The following CERKL variants were observed in gnomAD, a reference collection of about 807,000 sequenced individuals.
CERKL encodes ceramide kinase-like protein.
Under a neutral mutation model 63.4 loss-of-function variants are expected in CERKL, and 61 were observed. The ratio of observed to expected loss-of-function variants is 0.96; its 90% confidence interval spans 0.78 to 1.19. The LOEUF (loss-of-function observed/expected upper bound fraction) is 1.19, where lower values mean the gene tolerates loss of function less well. Ranked by LOEUF, CERKL falls within the 50% of genes most tolerant of loss-of-function variation. CERKL has a pLI of 0.00. For synonymous variants in CERKL, 250 were observed against 230.5 expected (o/e 1.08, Z -0.77); for missense variants, 675 against 655.5 (o/e 1.03, Z -0.33).
intron 1 of CERKL, among the ~76,000 whole-genome samples, chr2:181,623,075 T>G (rs1686524819): frequency 6.6e-6 from 1 of 152,238 alleles, no homozygotes; most frequent in Non-Finnish European, 1.5e-5. Flanking sequence ...AAATTTCAGG[T>G]GATCCTCACA....
intron 3 of CERKL, among the ~76,000 whole-genome samples, chr2:181,572,639 G>A (rs1688955595): frequency 7.8e-6 from 1 of 127,534 alleles, no homozygotes. Flanking sequence ...ATAAGCCGAA[G>A]GTCACAAACA....
chr2:181,547,093 T>C (rs1687759745), intron 10 of CERKL, among the ~76,000 whole-genome samples: 1 of 152,180 alleles, frequency 6.6e-6, no homozygotes, highest in South Asian at 2.1e-4. Flanking sequence ...GATGTGACTT[T>C]CATCTTCCAC....
intron 11 of CERKL, among the ~76,000 whole-genome samples, chr2:181,543,673 A>C (rs1687604101): frequency 1.3e-5 from 2 of 152,106 alleles, no homozygotes; most frequent in African/African-American, 4.8e-5. Context: ...ACTCTATCCA[A>C]GCACCATTTT....
At chr2:181,568,687 ATTTT>A (rs1341900398) in intron 3 of CERKL, among the ~76,000 whole-genome samples, 7 of 141,454 alleles carry the variant, frequency 4.9e-5, no homozygotes, top group African/African-American at 1.0e-4. Context: ...TTTTTTTTTA[ATTTT>A]TTTTTATTAT....
chr2:181,572,780 C>CTTTTTTTTTTT (rs5836800), intron 3 of CERKL, among the ~76,000 whole-genome samples: 13 of 131,152 alleles, frequency 9.9e-5, no homozygotes, highest in African/African-American at 1.4e-4. Flanking sequence ...ACAAAACTTG[C>CTTTTTTTTTTT]TTTTTTTTTT....
At chr2:181,643,369 G>A (rs1489301449) in intron 1 of CERKL, among the ~76,000 whole-genome samples, 5 of 152,240 alleles carry the variant, frequency 3.3e-5, no homozygotes, top group South Asian at 2.1e-4. Flanking sequence ...GGCCTTCAGC[G>A]GCCACTGCTG....
intron 1 of CERKL, among the ~76,000 whole-genome samples, chr2:181,606,839 A>G (rs1244375163): frequency 2.6e-5 from 4 of 152,106 alleles, no homozygotes; most frequent in Admixed American, 1.3e-4. Context: ...GAGTAAAAGT[A>G]TTTTAGTGAA....
chr2:181,589,972 C>A (rs1027990180), intron 2 of CERKL, among the ~76,000 whole-genome samples: 12 of 147,868 alleles, frequency 8.1e-5, no homozygotes, highest in Non-Finnish European at 1.6e-4. Flanking sequence ...GCTACCACAC[C>A]CAGCTAATTT....
chr2:181,567,472 A>C (rs777935022), intron 3 of CERKL, among the ~76,000 whole-genome samples: 3 of 151,980 alleles, frequency 2.0e-5, no homozygotes, highest in Non-Finnish European at 4.4e-5. Context: ...TGCTATTTTT[A>C]TTTTTTTAAT....
chr2:181,612,141 C>A (rs1022711327), intron 1 of CERKL, among the ~76,000 whole-genome samples: 1 of 152,200 alleles, frequency 6.6e-6, no homozygotes, highest in African/African-American at 2.4e-5. Context: ...GGTCACACAT[C>A]TGGTAGGAAC....
At position 181,537,217 on chromosome 2, in the gene CERKL, T is replaced by G. The variant is rs1450786689; in HGVS notation, c.*967A>C. The G allele has an allele frequency of 2.2e-6, 1 of 453,026 alleles. No homozygotes were observed. Among genetic ancestry groups the G allele is most frequent in the Admixed American group, 2.4e-5 (1 of 42,524 alleles). The allele number at this position is 453,026 out of a possible 1,614,324, so 28.1% of individuals were successfully genotyped here. A position where few individuals can be genotyped will look rare whatever the true frequency, so the allele number is the denominator to read the frequency against. On this transcript the variant is annotated 3_prime_UTR_variant, in exon 13 of 13. Transcript: ENST00000410087. Reference sequence around the variant, plus strand: ...AAAATCAAGCCCCGATTTAGAACTGTCTTCTCCAGGATGGTCTCTAAGGAA... The same window carrying G: ...AAAATCAAGCCCCGATTTAGAACTGGCTTCTCCAGGATGGTCTCTAAGGAA...
rs201186440 is a variant in CERKL at position 181,656,814 on chromosome 2, C to T, written c.193G>A (p.Glu65Lys). Residue 65 changes from glutamate to lysine, a missense_variant, in exon 1 of 13, where the codon GAG becomes AAG. Transcript: ENST00000410087. ...GRDSCDVVLS[E>K]RALRWRPIQP... ...ATGGGCCGCCACCGCAGTGCTCGCTCGCTCAGCACCACGTCACAACTGTCC... is the reference window on the plus strand; with the variant it reads ...ATGGGCCGCCACCGCAGTGCTCGCTTGCTCAGCACCACGTCACAACTGTCC... The T allele has an allele frequency of 1.3e-6, 2 of 1,596,378 alleles. No homozygotes were observed. The highest frequency in any genetic ancestry group is 1.7e-5 in the Admixed American group (1 of 59,350).
chr2:181,586,219 A>C (rs1684757461), intron 2 of CERKL, among the ~76,000 whole-genome samples: 1 of 152,178 alleles, frequency 6.6e-6, no homozygotes, highest in South Asian at 2.1e-4. Context: ...CACACATCCT[A>C]ACCCTCTTGA....
intron 1 of CERKL, among the ~76,000 whole-genome samples, chr2:181,630,131 T>C (rs577176237): frequency 6.6e-6 from 1 of 152,076 alleles, no homozygotes; most frequent in East Asian, 1.9e-4. Context: ...TCCTGGGCTG[T>C]AGCAATCCTC....
chr2:181,548,079 C>G, intron 8 of CERKL: 1 of 602,158 alleles, frequency 1.7e-6, no homozygotes, highest in Admixed American at 3.0e-5. Context: ...TGTACTATTT[C>G]TTTAAAGACT....
chr2:181,627,595 G>C (rs190071225), intron 1 of CERKL, among the ~76,000 whole-genome samples: 3 of 152,272 alleles, frequency 2.0e-5, no homozygotes, highest in African/African-American at 7.2e-5. Flanking sequence ...ACCCAGGATA[G>C]GATGAGTATT....
chr2:181,627,144 A>C (rs1381033529), intron 1 of CERKL, among the ~76,000 whole-genome samples: 2 of 152,236 alleles, frequency 1.3e-5, no homozygotes, highest in African/African-American at 4.8e-5. Context: ...AATATTGAGG[A>C]TTTGAGGTTG....
rs1457357049 is a variant in CERKL, at chr2:181,558,997, G to A, written c.678-289C>T. Among the ~76,000 whole-genome samples the A allele has an allele frequency of 3.3e-5, 5 of 152,084 alleles. No homozygotes were observed. Among genetic ancestry groups the A allele is most frequent in the East Asian group, 3.8e-4 (2 of 5,196 alleles). ...ACATGTTAATTCACATCTGACCAGC[G>A]TTTTGCTCTGTTAACATCCAAAAGC... On this transcript the variant is annotated intron_variant, in intron 4 of 12. Coordinates refer to ENST00000410087, the MANE Select transcript of CERKL (RefSeq NM_201548.5). This position sits in a 1 kb window ranked among gnomAD's most constrained non-coding sequence, Gnocchi z 4.2.
At chr2:181,548,172 T>C (rs1483854693) in intron 8 of CERKL, 1 of 529,926 alleles carries the variant, frequency 1.9e-6, no homozygotes, top group African/African-American at 1.9e-5. Flanking sequence ...GTGTGTTTTG[T>C]TCATTTTTTG....
Sources: gnomAD v4.1 joint callset for allele counts (sites outside exome capture counted in the v4.1 genomes callset) on GRCh38, gnomAD v4.1.1 for gene constraint, Gnocchi (gnomAD v3.1) non-coding constraint, MANE v1.5 for transcripts, NCBI Gene and HGNC (gene_info 2026-07-23, HGNC 2026-07-21) for gene names.